NWD2: variants seen among roughly 807,000 people sequenced by gnomAD.
NWD2 encodes NACHT and WD repeat domain containing 2, also known as NACHT and WD repeat domain-containing protein 2.
Under a neutral mutation model 132.7 loss-of-function variants are expected in NWD2, and 37 were observed. The observed-to-expected ratio is 0.28, with a 90% confidence interval of 0.21 to 0.37. NWD2 has a LOEUF of 0.37. NWD2 is among the 10% of genes least tolerant of loss of function. The pLI is 1.00. For missense variants in NWD2, 1,592 were observed against 2,122.4 expected (o/e 0.75, Z 4.91); for synonymous variants, 705 against 803.0 (o/e 0.88, Z 2.06).
intron 1 of NWD2, among the ~76,000 whole-genome samples, chr4:37,250,045 C>A (rs189023377): frequency 8.5e-5 from 13 of 152,250 alleles, no homozygotes; most frequent in Admixed American, 5.2e-4. Context: ...TATCAGTATT[C>A]TTCATCATTA....
intron 5 of NWD2, among the ~76,000 whole-genome samples, chr4:37,434,908 AG>A (rs1712282702): frequency 6.6e-6 from 1 of 151,986 alleles, no homozygotes. Context: ...GTGTGGCACA[AG>A]GGATTTGGTA....
At chr4:37,383,001 A>G (rs966687287) in intron 3 of NWD2, among the ~76,000 whole-genome samples, 11 of 152,080 alleles carry the variant, frequency 7.2e-5, no homozygotes, top group Non-Finnish European at 1.0e-4. Flanking sequence ...GCCGCCTGAA[A>G]AAAACTCCTG....
intron 1 of NWD2, among the ~76,000 whole-genome samples, chr4:37,315,613 T>G (rs1718940333): frequency 6.6e-6 from 1 of 152,102 alleles, no homozygotes; most frequent in African/African-American, 2.4e-5. Flanking sequence ...TTATATTTAG[T>G]TGGATATTGT....
intron 5 of NWD2, among the ~76,000 whole-genome samples, chr4:37,436,596 T>C (rs1334733276): frequency 6.6e-6 from 1 of 152,156 alleles, no homozygotes; most frequent in Non-Finnish European, 1.5e-5. Context: ...TATAGTTGAA[T>C]TGCTTTCTGG....
At chr4:37,254,603 T>C (rs1248406605) in intron 1 of NWD2, among the ~76,000 whole-genome samples, 1 of 152,244 alleles carries the variant, frequency 6.6e-6, no homozygotes, top group Non-Finnish European at 1.5e-5. Context: ...AAGACACTCT[T>C]GCATCACTTC....
chr4:37,416,413 C>G (rs1490836628), intron 3 of NWD2, among the ~76,000 whole-genome samples: 3 of 151,884 alleles, frequency 2.0e-5, no homozygotes, highest in Non-Finnish European at 1.5e-5. Flanking sequence ...TTAATATTTG[C>G]TGGCTTTAAG....
chr4:37,436,677 C>G (rs1279284269), intron 5 of NWD2, among the ~76,000 whole-genome samples: 1 of 152,132 alleles, frequency 6.6e-6, no homozygotes, highest in African/African-American at 2.4e-5. Flanking sequence ...TGACCGCTTC[C>G]TTTCTCTTCA....
At chr4:37,250,841 T>C (rs1313897241) in intron 1 of NWD2, among the ~76,000 whole-genome samples, 1 of 152,234 alleles carries the variant, frequency 6.6e-6, no homozygotes, top group Non-Finnish European at 1.5e-5. Context: ...TGATACCGTT[T>C]ACTATACACG....
chr4:37,320,167 A>T (rs1462395340), intron 1 of NWD2, among the ~76,000 whole-genome samples: 1 of 152,146 alleles, frequency 6.6e-6, no homozygotes, highest in Non-Finnish European at 1.5e-5. Flanking sequence ...AGTGTTCTAT[A>T]GTTCTTCTTG....
intron 2 of NWD2, among the ~76,000 whole-genome samples, chr4:37,338,564 C>T (rs1719457825): frequency 6.6e-6 from 1 of 152,196 alleles, no homozygotes; most frequent in Non-Finnish European, 1.5e-5. Context: ...GAATTGGGCA[C>T]GAATCGCCAA....
intron 6 of NWD2, among the ~76,000 whole-genome samples, chr4:37,442,854 T>C: frequency 6.6e-6 from 1 of 152,112 alleles, no homozygotes; most frequent in East Asian, 1.9e-4. Flanking sequence ...TAATATAATA[T>C]GTAAATCATT....
intron 1 of NWD2, among the ~76,000 whole-genome samples, chr4:37,320,229 G>A (rs1719041031): frequency 6.6e-6 from 1 of 152,148 alleles, no homozygotes; most frequent in South Asian, 2.1e-4. Flanking sequence ...CAGTTTGTGT[G>A]AGGGCAAAGT....
At chr4:37,436,702 T>A (rs1458490285) in intron 5 of NWD2, among the ~76,000 whole-genome samples, 1 of 152,192 alleles carries the variant, frequency 6.6e-6, no homozygotes, top group South Asian at 2.1e-4. Flanking sequence ...GCTCTCAGAA[T>A]GTAGCAAGCT....
intron 3 of NWD2, among the ~76,000 whole-genome samples, chr4:37,411,531 A>T (rs2973212): frequency 0.98 from 149,290 of 152,298 alleles, 73,232 homozygotes; most frequent in Middle Eastern, 1. Flanking sequence ...CCAGACAGAT[A>T]CATAGCCAAA....
chr4:37,309,469 A>G (rs1034360328), intron 1 of NWD2, among the ~76,000 whole-genome samples: 1 of 152,094 alleles, frequency 6.6e-6, no homozygotes, highest in Non-Finnish European at 1.5e-5. Context: ...TCTGGATTGG[A>G]TAATGATAAG....
intron 3 of NWD2, among the ~76,000 whole-genome samples, chr4:37,383,570 C>G (rs1264411173): frequency 2.0e-5 from 3 of 152,124 alleles, no homozygotes; most frequent in African/African-American, 7.2e-5. Context: ...GTAGGTTTCT[C>G]AAGCAAGTCC....
chr4:37,264,918 A>G (rs1717717291), intron 1 of NWD2, among the ~76,000 whole-genome samples: 1 of 152,184 alleles, frequency 6.6e-6, no homozygotes, highest in Admixed American at 6.6e-5. Context: ...CATAACATTT[A>G]CACTATTAGC....
chr4:37,314,689 T>C (rs753171007), intron 1 of NWD2, among the ~76,000 whole-genome samples: 13 of 152,184 alleles, frequency 8.5e-5, no homozygotes, highest in Non-Finnish European at 1.5e-4. Flanking sequence ...TAGCTGACAG[T>C]TGATAATTGT....
chr4:37,350,895 G>A (rs1014368966), intron 2 of NWD2, among the ~76,000 whole-genome samples: 1 of 152,148 alleles, frequency 6.6e-6, no homozygotes, highest in Non-Finnish European at 1.5e-5. Context: ...TAGCATAAAG[G>A]GGTGTTGAAT....
Sources: gnomAD v4.1 joint callset for allele counts (sites outside exome capture counted in the v4.1 genomes callset) on GRCh38, gnomAD v4.1.1 for gene constraint, MANE v1.5 for transcripts, NCBI Gene and HGNC (gene_info 2026-07-23, HGNC 2026-07-21) for gene names.